Variants in RNF144A observed in about 807,000 individuals in gnomAD.
RNF144A encodes the protein E3 ubiquitin-protein ligase RNF144A.
RNF144A carries 11 observed loss-of-function variants against 38.7 expected under a neutral mutation model. That is an observed-to-expected ratio of 0.28 (90% CI 0.18 to 0.47). The LOEUF (loss-of-function observed/expected upper bound fraction) is 0.47. Among genes scored for constraint, RNF144A ranks in the 20% least tolerant of loss-of-function variants. The probability of loss-of-function intolerance (pLI) is 0.99; values close to 1 mark genes in which losing one functional copy is unlikely to be tolerated. For synonymous variants in RNF144A, 149 were observed against 143.9 expected, an observed-to-expected ratio of 1.04 and a Z score of -0.25; for missense variants, 316 against 377.2, an observed-to-expected ratio of 0.84 and a Z score of 1.34.
chr2:6,971,157 G>T lies in RNF144A; in HGVS notation c.-11-25759G>T, dbSNP rs1667979433. Among the ~76,000 whole-genome samples the T allele has an allele frequency of 2.0e-5, 3 of 152,126 alleles. No homozygotes were observed. The South Asian group carries it at 6.2e-4, about 32-fold the overall frequency. On this transcript the variant is annotated intron_variant, in intron 2 of 8. Coordinates refer to ENST00000320892, the MANE Select transcript of RNF144A (RefSeq NM_014746.6). Reference sequence around the variant, plus strand: ...TTACTGGGTTTCCTATTGTTCTTTGGCCTTGTCCTTGTTGCAGGAGCTCCA... The same window carrying T: ...TTACTGGGTTTCCTATTGTTCTTTGTCCTTGTCCTTGTTGCAGGAGCTCCA...
intron 7 of RNF144A, among the ~76,000 whole-genome samples, chr2:7,025,456 C>A (rs937918469): frequency 6.6e-6 from 1 of 152,170 alleles, no homozygotes; most frequent in South Asian, 2.1e-4. Flanking sequence ...GTCAGATTAC[C>A]TGCGGTCAGG....
Position 6,977,914 on chromosome 2 carries a change from G to GT in RNF144A, c.-11-19002_-11-19001insT, listed in dbSNP as rs200430812. On this transcript the variant is annotated intron_variant, in intron 2 of 8. Transcript: ENST00000320892. ...AAGCATAGATGGTAGTGAGTGTCGG[G>GT]GGGAGCTGTTGGGGAGTTTGCCTTT... is the stretch of plus-strand genomic sequence containing the variant. Among the ~76,000 whole-genome samples, 1,058 of 152,268 alleles carry GT rather than the reference G, an allele frequency of 6.9e-3. 14 individuals are homozygous for GT. The highest frequency in any genetic ancestry group is 0.024 in the African/African-American group (1,014 of 41,544).
chr2:6,983,719 G>A (rs1216778094), intron 2 of RNF144A, among the ~76,000 whole-genome samples: 2 of 152,016 alleles, frequency 1.3e-5, no homozygotes, highest in African/African-American at 2.4e-5. Flanking sequence ...CTACCTTATA[G>A]CAAAGGAGAG....
chr2:7,024,540 C>G, intron 7 of RNF144A, 24 bp downstream of exon 7: 1 of 1,584,578 alleles, frequency 6.3e-7, no homozygotes, highest in Non-Finnish European at 8.6e-7. Context: ...TCAGCTTCAC[C>G]TTGCGGCATT....
intron 8 of RNF144A, among the ~76,000 whole-genome samples, chr2:7,033,950 G>A (rs1020018611): frequency 3.9e-5 from 6 of 152,182 alleles, no homozygotes; most frequent in South Asian, 4.1e-4. Context: ...TGCCTTCGGC[G>A]GCTTTCTACA....
Position 6,962,347 on chromosome 2 carries a change from G to A in RNF144A, c.-12+21200G>A, listed in dbSNP as rs928885051. On this transcript the variant is annotated intron_variant, in intron 2 of 8. Transcript: ENST00000320892. This position sits in a 1 kb window ranked among gnomAD's most constrained non-coding sequence, Gnocchi z 4.1. ...TGGAGCCTCCATGTTGGACATGCCC[G>A]GCCCCCAGGTCACCCTTTTCTATGG... Among the ~76,000 whole-genome samples the A allele has an allele frequency of 1.3e-5, 2 of 152,148 alleles. No homozygotes were observed. Among genetic ancestry groups the A allele is most frequent in the South Asian group, 2.1e-4 (1 of 4,824 alleles).
chr2:7,073,439 A>C, the RNF144A span, among the ~76,000 whole-genome samples: 3 of 152,224 alleles, frequency 2.0e-5, no homozygotes, highest in African/African-American at 7.2e-5. Flanking sequence ...CATATTTATC[A>C]TAGATTTACA....
At chr2:7,050,012 C>T (rs1673454079) in intron 6 of RNF144A, among the ~76,000 whole-genome samples, 1 of 152,178 alleles carries the variant, frequency 6.6e-6, no homozygotes, top group South Asian at 2.1e-4. Flanking sequence ...GCATTCGATA[C>T]CAAGTTTCAT....
At chr2:6,964,451 C>G (rs1322053274) in intron 2 of RNF144A, among the ~76,000 whole-genome samples, 4 of 152,158 alleles carry the variant, frequency 2.6e-5, no homozygotes, top group African/African-American at 9.7e-5. Flanking sequence ...ACCATTTGAC[C>G]CAGCCATCCC....
the RNF144A span, among the ~76,000 whole-genome samples, chr2:7,073,580 T>C: frequency 6.6e-6 from 1 of 152,218 alleles, no homozygotes; most frequent in Non-Finnish European, 1.5e-5. Flanking sequence ...CTGGCAATCT[T>C]AGCCTATGCA....
intron 3 of RNF144A, among the ~76,000 whole-genome samples, chr2:7,005,647 A>T (rs1410744071): frequency 2.6e-5 from 4 of 152,198 alleles, no homozygotes; most frequent in African/African-American, 9.6e-5. Context: ...CTTTGTCTTA[A>T]GACCAGCACC....
chr2:7,044,162 A>G lies in RNF144A; in HGVS notation c.*4402A>G. ...TTTTTAAAGCTATTTTGGCTGGAAT[A>G]CAGGTGACTTTTGTAAACCCCGCGT... On this transcript the variant is annotated 3_prime_UTR_variant, in exon 9 of 9. Transcript: ENST00000320892. 1.0e-6 allele frequency: 1 copy of G among 985,728 alleles called. No homozygotes were observed. The highest frequency in any genetic ancestry group is 1.2e-6 in the Non-Finnish European group (1 of 829,938). 61.1% of individuals were successfully genotyped at this position (985,728 alleles called of 1,614,324 possible).
At chr2:7,011,253 G>A (rs1558429908) in intron 3 of RNF144A, among the ~76,000 whole-genome samples, 2 of 152,176 alleles carry the variant, frequency 1.3e-5, no homozygotes, top group African/African-American at 2.4e-5. Flanking sequence ...ATCTCACATA[G>A]TTGCTTTTTA....
At chr2:7,071,998 A>C (rs1057432581), downstream of RNF144A, among the ~76,000 whole-genome samples, 9 of 152,200 alleles carry the variant, frequency 5.9e-5, no homozygotes, top group African/African-American at 2.2e-4. Context: ...GGATTTGCCT[A>C]GGCAATCCCC....
chr2:6,981,197 A>G lies in RNF144A; in HGVS notation c.-11-15719A>G, dbSNP rs1668612844. On this transcript the variant is annotated intron_variant, in intron 2 of 8. Transcript: ENST00000320892. ...AAATGCCCTGGAGACATTTTCCCCC[A>G]TTGTCTTACTGATTAACATTCGGCT... Among the ~76,000 whole-genome samples, 4 of 151,998 alleles carry G rather than the reference A, an allele frequency of 2.6e-5. No individual in the cohort carries two copies. The South Asian group carries it at 6.2e-4, about 24-fold the overall frequency.
chr2:7,065,277 T>C (rs541228030), intron 6 of RNF144A, among the ~76,000 whole-genome samples: 134 of 152,372 alleles, frequency 8.8e-4, no homozygotes, highest in African/African-American at 3.1e-3. Flanking sequence ...AGAAAAACTC[T>C]GATTCCTGGA....
rs373998621 is a variant in RNF144A at position 6,971,227 on chromosome 2, T to A, written c.-11-25689T>A. Among the ~76,000 whole-genome samples the A allele has an allele frequency of 3.3e-5, 5 of 152,278 alleles. No homozygotes were observed. In the East Asian group the frequency reaches 9.7e-4, roughly 29 times the overall value. On this transcript the variant is annotated intron_variant, in intron 2 of 8. Coordinates refer to ENST00000320892, the MANE Select transcript of RNF144A (RefSeq NM_014746.6). ...CTGGCTGGGGAGTCTTGCCCAGGCCTCTTGGGACGGGTGTGCTGCCTGCTT... is the reference window on the plus strand; with the variant it reads ...CTGGCTGGGGAGTCTTGCCCAGGCCACTTGGGACGGGTGTGCTGCCTGCTT...
At chr2:7,056,023 A>G (rs931829284) in intron 6 of RNF144A, among the ~76,000 whole-genome samples, 2 of 152,134 alleles carry the variant, frequency 1.3e-5, no homozygotes, top group African/African-American at 4.8e-5. Context: ...GACTAGGTAA[A>G]GGCTTTATTT....
chr2:7,015,578 G>GAGA (rs1671083189), intron 5 of RNF144A, among the ~76,000 whole-genome samples: 1 of 152,208 alleles, frequency 6.6e-6, no homozygotes, highest in Non-Finnish European at 1.5e-5. Context: ...CATGTGGAAT[G>GAGA]TCCAGGAGAG....
Sources: gnomAD v4.1 joint callset for allele counts (sites outside exome capture counted in the v4.1 genomes callset) on GRCh38, gnomAD v4.1.1 for gene constraint, Gnocchi (gnomAD v3.1) non-coding constraint, MANE v1.5 for transcripts, NCBI Gene and HGNC (gene_info 2026-07-23, HGNC 2026-07-21) for gene names.